The following SLC23A2 variants were observed in gnomAD, a reference collection of about 807,000 sequenced individuals.
SLC23A2 encodes the protein solute carrier family 23 member 2.
SLC23A2 carries 36 observed loss-of-function variants against 73.3 expected under a neutral mutation model. The ratio of observed to expected loss-of-function variants is 0.49; its 90% CI spans 0.38 to 0.65. The LOEUF is 0.65. Among genes scored for constraint, SLC23A2 ranks in the 30% least tolerant of loss-of-function variants. SLC23A2 has a pLI of 0.00. For synonymous variants in SLC23A2, 343 were observed against 327.3 expected, an observed-to-expected ratio of 1.05 and a Z score of -0.52; for missense variants, 507 against 841.6, an observed-to-expected ratio of 0.60 and a Z score of 4.92.
chr20:4,888,176 G>A (rs933509714), intron 6 of SLC23A2, among the ~76,000 whole-genome samples: 5 of 152,188 alleles, frequency 3.3e-5, no homozygotes, highest in Non-Finnish European at 5.9e-5. Flanking sequence ...TTTACACCAG[G>A]GGCGGCCAAA....
rs982692128 is a variant in SLC23A2, at chr20:4,872,230, C to G, written c.1102+1706G>C. 6.6e-6 allele frequency among the ~76,000 whole-genome samples: 1 copy of G among 152,260 alleles called. No homozygotes were observed. Among genetic ancestry groups the G allele is most frequent in the Middle Eastern group, 3.4e-3 (1 of 294 alleles). On this transcript the variant is annotated intron_variant, in intron 11 of 16. Transcript: ENST00000338244. The surrounding 1 kb of genome is among the most constrained non-coding windows in gnomAD (Gnocchi z 4.4). The stretch of plus-strand genomic sequence containing the variant: ...AAAGCACTGCTCAGGTATTCAAAAG[C>G]CCCTCTCTGGCTTGAGACAAAGCAC...
Position 4,856,847 on chromosome 20 carries a change from C to T in SLC23A2, c.*125G>A. ...TCACAGCAGAAAAGTGATTCGCAGT[C>T]TGTCTTAGCTCTGGGGCGCAGAATG... is the stretch of plus-strand genomic sequence containing the variant. On this transcript the variant is annotated 3_prime_UTR_variant, in exon 17 of 17. Transcript: ENST00000338244. This position sits in a 1 kb window ranked among gnomAD's most constrained non-coding sequence, Gnocchi z 4.6. 1.5e-6 allele frequency: 1 copy of T among 668,402 alleles called. No homozygotes were observed. Among genetic ancestry groups the T allele is most frequent in the Non-Finnish European group, 2.6e-6 (1 of 381,916 alleles). The allele number at this position is 668,402 out of a possible 1,614,324, so 41.4% of individuals were successfully genotyped here. A position where few individuals can be genotyped will look rare whatever the true frequency, so the allele number is the denominator to read the frequency against.
chr20:4,889,057 T>C (rs1931213516), intron 6 of SLC23A2, among the ~76,000 whole-genome samples: 1 of 152,224 alleles, frequency 6.6e-6, no homozygotes, highest in African/African-American at 2.4e-5. Context: ...AGCACAATTA[T>C]AAGCAGATAC....
chr20:4,925,027 A>G (rs936359368), intron 3 of SLC23A2, among the ~76,000 whole-genome samples: 2 of 152,132 alleles, frequency 1.3e-5, no homozygotes, highest in African/African-American at 4.8e-5. Context: ...AAAAAAAAAA[A>G]ATTAAAAATC....
chr20:4,987,766 T>G (rs1329150454), intron 1 of SLC23A2, among the ~76,000 whole-genome samples: 2 of 151,274 alleles, frequency 1.3e-5, no homozygotes, highest in Non-Finnish European at 2.9e-5. Flanking sequence ...GAGAATGGCG[T>G]GAACTCTGGA....
intron 1 of SLC23A2, among the ~76,000 whole-genome samples, chr20:4,991,703 C>A (rs2087924982): frequency 7.1e-6 from 1 of 140,186 alleles, no homozygotes; most frequent in South Asian, 2.4e-4. Context: ...GCCTGGGTGA[C>A]AGAGAGAGAC....
intron 3 of SLC23A2, among the ~76,000 whole-genome samples, chr20:4,925,415 C>T (rs1018233016): frequency 3.3e-5 from 5 of 152,148 alleles, no homozygotes; most frequent in African/African-American, 9.7e-5. Context: ...ACAAGATTGA[C>T]GTATTTGCTT....
intron 1 of SLC23A2, among the ~76,000 whole-genome samples, chr20:4,984,668 TCAA>T (rs2087793896): frequency 6.6e-6 from 1 of 151,946 alleles, no homozygotes; most frequent in Non-Finnish European, 1.5e-5. Context: ...GAAAAGGAGT[TCAA>T]CATCATCAGT....
At chr20:4,930,347 G>A (rs919136458) in intron 3 of SLC23A2, among the ~76,000 whole-genome samples, 2 of 152,086 alleles carry the variant, frequency 1.3e-5, no homozygotes, top group African/African-American at 2.4e-5. Flanking sequence ...GAAAATCTGT[G>A]TCAACCTTAA....
chr20:4,929,434 T>C (rs369320437), intron 3 of SLC23A2, among the ~76,000 whole-genome samples: 1 of 152,176 alleles, frequency 6.6e-6, no homozygotes, highest in East Asian at 1.9e-4. Context: ...CACTCTTCCA[T>C]GCCATGGTTG....
chr20:4,997,935 G>A (rs1360421184), intron 1 of SLC23A2, among the ~76,000 whole-genome samples: 2 of 151,934 alleles, frequency 1.3e-5, no homozygotes, highest in East Asian at 1.9e-4. Context: ...AAGATAAATG[G>A]CACCAAGAAA....
intron 1 of SLC23A2, among the ~76,000 whole-genome samples, chr20:4,977,725 G>A (rs1272697303): frequency 3.0e-4 from 45 of 151,184 alleles, no homozygotes; most frequent in South Asian, 2.1e-4. Context: ...AAAGAAAAGA[G>A]ACGAGATCTC....
chr20:4,960,982 T>C (rs2087372864), intron 2 of SLC23A2, among the ~76,000 whole-genome samples: 1 of 151,782 alleles, frequency 6.6e-6, no homozygotes, highest in Non-Finnish European at 1.5e-5. Context: ...ACACAAAAAC[T>C]GGTAAAAGTG....
chr20:4,881,421 G>T (rs1930879144), intron 9 of SLC23A2, among the ~76,000 whole-genome samples: 1 of 152,158 alleles, frequency 6.6e-6, no homozygotes, highest in Non-Finnish European at 1.5e-5. Context: ...GAGTGAGGAG[G>T]AGTCAATTTT....
chr20:4,974,680 C>G (rs997521973), intron 1 of SLC23A2, among the ~76,000 whole-genome samples: 3 of 152,154 alleles, frequency 2.0e-5, no homozygotes, highest in African/African-American at 7.2e-5. Context: ...CTTATACTAT[C>G]ATTCCCAATG....
intron 6 of SLC23A2, among the ~76,000 whole-genome samples, chr20:4,896,335 C>T (rs1031990031): frequency 2.6e-5 from 4 of 152,170 alleles, no homozygotes; most frequent in East Asian, 3.9e-4. Context: ...GAGCCCCCAC[C>T]GGAGCCCCAG....
Position 4,862,193 on chromosome 20 carries a change from C to A in SLC23A2, c.1487-108G>T. ...CACCCCTTCTCTGTCCAACAGAAACCAATGAGACCAGTGCAGGGACAGGAA... is the reference window on the plus strand; with the variant it reads ...CACCCCTTCTCTGTCCAACAGAAACAAATGAGACCAGTGCAGGGACAGGAA... On this transcript the variant is annotated intron_variant, in intron 14 of 16. Coordinates refer to ENST00000338244, the MANE Select transcript of SLC23A2 (RefSeq NM_005116.6). The surrounding 1 kb of genome is among the most constrained non-coding windows in gnomAD (Gnocchi z 5.1). 2.7e-6 allele frequency: 3 copies of A among 1,115,746 alleles called. No homozygotes were observed. Among genetic ancestry groups the A allele is most frequent in the Non-Finnish European group, 3.9e-6 (3 of 764,580 alleles). 69.1% of individuals were successfully genotyped at this position (1,115,746 alleles called of 1,614,324 possible).
At chr20:4,983,802 C>G (rs2087772086) in intron 1 of SLC23A2, among the ~76,000 whole-genome samples, 1 of 151,180 alleles carries the variant, frequency 6.6e-6, no homozygotes, top group African/African-American at 2.4e-5. Flanking sequence ...ACTAAAAATA[C>G]AAAATTAGCC....
chr20:4,897,415 T>TG (rs1174546199), intron 6 of SLC23A2, among the ~76,000 whole-genome samples: 17 of 152,168 alleles, frequency 1.1e-4, no homozygotes, highest in Non-Finnish European at 1.6e-4. Context: ...CCAAAGGTCA[T>TG]GGGGGACTCA....
Sources: allele counts gnomAD v4.1 joint callset (sites outside exome capture counted in the v4.1 genomes callset), GRCh38; gene constraint gnomAD v4.1.1; non-coding constraint Gnocchi (gnomAD v3.1); transcripts MANE v1.5; gene names NCBI Gene and HGNC (gene_info 2026-07-23, HGNC 2026-07-21).